The following TRIM67 variants were observed in gnomAD, a reference collection of about 807,000 sequenced individuals.
The protein encoded by TRIM67 is tripartite motif containing 67.
Under a neutral mutation model 71.0 loss-of-function variants are expected in TRIM67, and 39 were observed. That is an observed-to-expected ratio of 0.55 (90% confidence interval 0.43 to 0.72). The LOEUF (loss-of-function observed/expected upper bound fraction) is 0.72. TRIM67 is among the 30% of genes least tolerant of loss of function. The pLI is 0.00. For synonymous variants in TRIM67, 481 were observed against 473.9 expected (o/e 1.01, Z -0.19); for missense variants, 973 against 1,079.2 (o/e 0.90, Z 1.38).
intron 1 of TRIM67, among the ~76,000 whole-genome samples, chr1:231,193,625 G>C (rs2102742156): frequency 6.6e-6 from 1 of 150,706 alleles, no homozygotes; most frequent in Non-Finnish European, 1.5e-5. Flanking sequence ...ATCTGAGTCT[G>C]GGTCATTTAT....
chr1:231,174,583 T>C (rs371764546), intron 1 of TRIM67, among the ~76,000 whole-genome samples: 12 of 152,292 alleles, frequency 7.9e-5, no homozygotes, highest in African/African-American at 2.6e-4. Flanking sequence ...GTGGCAAGTC[T>C]AGTGATTAGC....
At chr1:231,171,578 C>G (rs1682620346) in intron 1 of TRIM67, among the ~76,000 whole-genome samples, 1 of 152,026 alleles carries the variant, frequency 6.6e-6, no homozygotes, top group African/African-American at 2.4e-5. Flanking sequence ...GCAGAGAATC[C>G]AGACAGACAT....
intron 1 of TRIM67, among the ~76,000 whole-genome samples, chr1:231,179,410 G>A (rs1196850678): frequency 2.0e-5 from 3 of 152,242 alleles, no homozygotes; most frequent in Non-Finnish European, 4.4e-5. Flanking sequence ...AAACAAGAAA[G>A]CATTCTGAGG....
rs1684116020 is a variant in TRIM67 at position 231,220,498 on chromosome 1, CT to C, written c.*5059del. ...TTCTGGTATCTAAGGGGTCTCTCATCTCACAGCTTGCCTCCTTTGTTTCGAG... is the reference window on the plus strand; with the variant it reads ...TTCTGGTATCTAAGGGGTCTCTCATCCACAGCTTGCCTCCTTTGTTTCGAG... On this transcript the variant is annotated 3_prime_UTR_variant, in exon 10 of 10. Transcript: ENST00000366653. 6.5e-6 allele frequency: 1 copy of C among 153,300 alleles called. No individual in the cohort carries two copies. Among genetic ancestry groups the C allele is most frequent in the African/African-American group, 2.4e-5 (1 of 41,468 alleles). 9.5% of individuals were successfully genotyped at this position (153,300 alleles called of 1,614,324 possible).
At chr1:231,172,238 A>G (rs1221704127) in intron 1 of TRIM67, among the ~76,000 whole-genome samples, 1 of 152,240 alleles carries the variant, frequency 6.6e-6, no homozygotes, top group Non-Finnish European at 1.5e-5. Context: ...GTAGTTATGC[A>G]TAGAAGAAAT....
intron 1 of TRIM67, among the ~76,000 whole-genome samples, chr1:231,188,792 T>A (rs1261267255): frequency 6.6e-6 from 1 of 152,144 alleles, no homozygotes; most frequent in Admixed American, 6.6e-5. Flanking sequence ...TAGCAAGCTG[T>A]CGGTTGTTAT....
intron 1 of TRIM67, among the ~76,000 whole-genome samples, chr1:231,169,981 T>C (rs951408856): frequency 6.6e-6 from 1 of 150,962 alleles, no homozygotes; most frequent in Non-Finnish European, 1.5e-5. Flanking sequence ...TAAAATGTTT[T>C]TTTCTTTCTC....
rs762812197 is a variant in TRIM67, at chr1:231,163,949, T to C, written c.980T>C (p.Leu327Pro). 3 of 1,584,942 alleles carry C rather than the reference T, an allele frequency of 1.9e-6. No homozygotes were observed. Among genetic ancestry groups the C allele is most frequent in the African/African-American group, 2.7e-5 (2 of 74,286 alleles). The change falls in exon 1 of 10, where the codon CTG becomes CCG. Residue 327 changes from leucine to proline, a missense_variant. Around this residue, in one of 2 missense-constraint regions of TRIM67, gnomAD observed 795 missense variants for 831.3 expected, o/e 0.96. Transcript: ENST00000366653. The stretch of plus-strand genomic sequence containing the variant: ...CGAACCCCGGTGTGTTATCTGTGCC[T>C]GGAGGAGGGCCGGCACGCCAAGCAC... Reference protein sequence around the residue: ...SCRTPVCYLCLEEGRHAKHEV... With the variant: ...SCRTPVCYLCPEEGRHAKHEV...
At chr1:231,210,352 C>T (rs1426695014) in intron 8 of TRIM67, among the ~76,000 whole-genome samples, 1 of 152,076 alleles carries the variant, frequency 6.6e-6, no homozygotes, top group Non-Finnish European at 1.5e-5. Flanking sequence ...GAAGGACCAG[C>T]TTCTTCTTTC....
Position 231,209,949 on chromosome 1 carries a change from G to T in TRIM67, c.2123+699G>T, listed in dbSNP as rs1024654897. The stretch of plus-strand genomic sequence containing the variant: ...CTCCAGGGCTGCCCCTGAGGCCTGG[G>T]CTTCTCTAGGGTGCCTTGGTCTCTC... On this transcript the variant is annotated intron_variant, in intron 8 of 9. Transcript: ENST00000366653. This position sits in a 1 kb window ranked among gnomAD's most constrained non-coding sequence, Gnocchi z 4.1. Among the ~76,000 whole-genome samples, 29 of 152,176 alleles carry T rather than the reference G, an allele frequency of 1.9e-4. No homozygotes were observed. The highest frequency in any genetic ancestry group is 4.4e-5 in the Non-Finnish European group (3 of 68,010).
intron 1 of TRIM67, among the ~76,000 whole-genome samples, chr1:231,167,624 CTT>C (rs74566453): frequency 2.9e-5 from 3 of 102,660 alleles, no homozygotes; most frequent in Admixed American, 9.8e-5. Context: ...GCCCGGCCGT[CTT>C]TTTTTTTTTT....
In TRIM67 at chr1:231,219,873, G is replaced by A. The variant is rs1684099692; in HGVS notation, c.*4433G>A. The A allele has an allele frequency of 3.9e-6, 5 of 1,289,866 alleles. No individual in the cohort carries two copies. Among genetic ancestry groups the A allele is most frequent in the Admixed American group, 4.6e-5 (2 of 43,566 alleles). The allele number at this position is 1,289,866 out of a possible 1,614,324, so 79.9% of individuals were successfully genotyped here. A position where few individuals can be genotyped will look rare whatever the true frequency, so the allele number is the denominator to read the frequency against. The stretch of plus-strand genomic sequence containing the variant: ...GCAGCTTTAACCTAATATCTAGGCT[G>A]TAAAAATATGAGGGCAGGTTTCGGG... On this transcript the variant is annotated 3_prime_UTR_variant, in exon 10 of 10. Transcript: ENST00000366653.
chr1:231,184,947 G>T, intron 1 of TRIM67: 1 of 1,411,252 alleles, frequency 7.1e-7, no homozygotes, highest in Non-Finnish European at 9.6e-7. Flanking sequence ...CTGAAGCCCA[G>T]CTCTAAGGGT....
At chr1:231,181,132 A>T in intron 1 of TRIM67, among the ~76,000 whole-genome samples, 1 of 152,066 alleles carries the variant, frequency 6.6e-6, no homozygotes, top group East Asian at 1.9e-4. Flanking sequence ...TGTCCAGCTA[A>T]TTTTTATATT....
rs540682932 is a variant in TRIM67 at position 231,162,682 on chromosome 1, G to A, written c.-288G>A. The A allele has an allele frequency of 6.8e-6, 3 of 440,164 alleles. No homozygotes were observed. The highest frequency in any genetic ancestry group is 4.1e-5 in the Admixed American group (1 of 24,282). 27.3% of individuals were successfully genotyped at this position (440,164 alleles called of 1,614,324 possible). A position where few individuals can be genotyped will look rare whatever the true frequency, so the allele number is the denominator to read the frequency against. On this transcript the variant is annotated 5_prime_UTR_variant, in exon 1 of 10. Transcript: ENST00000366653. Reference sequence around the variant, plus strand: ...CCTAAAGCTCCTCGCAGGCCACCGCGAGGGCAGCCGACCGGCTCCGGAATC... The same window carrying A: ...CCTAAAGCTCCTCGCAGGCCACCGCAAGGGCAGCCGACCGGCTCCGGAATC...
chr1:231,167,602 G>C (rs1457145481), intron 1 of TRIM67, among the ~76,000 whole-genome samples: 1 of 106,144 alleles, frequency 9.4e-6, no homozygotes. Context: ...GATTACAGGC[G>C]TGAGCCACCG....
intron 1 of TRIM67, among the ~76,000 whole-genome samples, chr1:231,164,922 A>T (rs1682410342): frequency 6.6e-6 from 1 of 152,224 alleles, no homozygotes; most frequent in Non-Finnish European, 1.5e-5. Flanking sequence ...TTATAATTTA[A>T]CATTTTAGAA....
intron 1 of TRIM67, among the ~76,000 whole-genome samples, chr1:231,176,727 G>T (rs1682757836): frequency 6.6e-6 from 1 of 152,060 alleles, no homozygotes; most frequent in Admixed American, 6.6e-5. Flanking sequence ...TGGGGGAAAA[G>T]GATGGGATAA....
chr1:231,218,917 A>C lies in TRIM67; in HGVS notation c.*3477A>C, dbSNP rs1684077714. The C allele has an allele frequency of 5.1e-6, 5 of 985,400 alleles. No individual in the cohort carries two copies. The South Asian group carries it at 1.4e-4, about 28-fold the overall frequency. The allele number at this position is 985,400 out of a possible 1,614,324, so 61.0% of individuals were successfully genotyped here. A position where few individuals can be genotyped will look rare whatever the true frequency, so the allele number is the denominator to read the frequency against. On this transcript the variant is annotated 3_prime_UTR_variant, in exon 10 of 10. Transcript: ENST00000366653. ...CCGCCCCACCACAGCACTCTCAGGA[A>C]AGGATCAGAATGCAGGATCTTTGTG...
Sources: allele counts gnomAD v4.1 joint callset (sites outside exome capture counted in the v4.1 genomes callset), GRCh38; gene constraint gnomAD v4.1.1; regional missense constraint gnomAD v4.1.1; non-coding constraint Gnocchi (gnomAD v3.1); transcripts MANE v1.5; gene names NCBI Gene and HGNC (gene_info 2026-07-23, HGNC 2026-07-21).